Variants in ARMH3 observed in about 807,000 individuals in gnomAD.
ARMH3 encodes the protein armadillo like helical domain containing 3.
ARMH3 carries 60 observed loss-of-function variants against 99.1 expected under a neutral mutation model. The observed-to-expected ratio is 0.61, with a 90% CI of 0.49 to 0.75. The LOEUF (loss-of-function observed/expected upper bound fraction) is 0.75. Among genes scored for constraint, ARMH3 ranks in the 30% least tolerant of loss-of-function variants. The probability of loss-of-function intolerance (pLI) is 0.00; values close to 1 mark genes in which losing one functional copy is unlikely to be tolerated. For synonymous variants in ARMH3, 285 were observed against 292.8 expected (o/e 0.97, Z 0.27); for missense variants, 679 against 843.1 (o/e 0.81, Z 2.41).
intron 23 of ARMH3, among the ~76,000 whole-genome samples, chr10:101,914,061 G>T (rs1163903054): frequency 1.3e-5 from 2 of 152,138 alleles, no homozygotes; most frequent in East Asian, 3.8e-4. Context: ...CACAGGAAAT[G>T]AACAATAAAT....
chr10:101,886,064 A>C (rs2067533748), intron 24 of ARMH3, among the ~76,000 whole-genome samples: 1 of 152,056 alleles, frequency 6.6e-6, no homozygotes, highest in Non-Finnish European at 1.5e-5. Context: ...TCTCAAAAAA[A>C]AAAAGGGGGT....
intron 1 of ARMH3, among the ~76,000 whole-genome samples, chr10:102,050,379 T>C (rs1239321775): frequency 6.7e-6 from 1 of 148,520 alleles, no homozygotes; most frequent in Non-Finnish European, 1.5e-5. Context: ...ACCCGAGAGG[T>C]GGAGCTTGCA....
chr10:101,892,423 C>T (rs948192382), intron 23 of ARMH3, among the ~76,000 whole-genome samples: 13 of 152,252 alleles, frequency 8.5e-5, no homozygotes, highest in Admixed American at 4.6e-4. Context: ...TGTGCTACCA[C>T]GCTCCAGCCT....
At chr10:102,041,072 GTACATATATATATATATAATA>G (rs2067398894) in intron 1 of ARMH3, among the ~76,000 whole-genome samples, 1 of 121,634 alleles carries the variant, frequency 8.2e-6, no homozygotes, top group Non-Finnish European at 1.7e-5. Flanking sequence ...TTAATTGTGT[GTACATATATATATATATAATA>G]TATATATATA....
Position 101,973,355 on chromosome 10 carries a change from G to A in ARMH3, c.1495+1857C>T, listed in dbSNP as rs1377887352. Among the ~76,000 whole-genome samples the A allele has an allele frequency of 8.8e-4, 108 of 122,036 alleles. 1 individual carries two copies. The highest frequency in any genetic ancestry group is 7.8e-3 in the Admixed American group (83 of 10,652). 80.1% of individuals were successfully genotyped at this position (122,036 alleles called of 152,430 possible). A position where few individuals can be genotyped will look rare whatever the true frequency, so the allele number is the denominator to read the frequency against. ...AGGCTGGGCGACAGAGCGAGACTCC[G>A]TCTCAAAAAAAAAAAAAAAAAAAGA... On this transcript the variant is annotated intron_variant, in intron 20 of 25. Transcript: ENST00000370033.
At chr10:101,910,743 A>T (rs534839436) in intron 23 of ARMH3, among the ~76,000 whole-genome samples, 1 of 151,580 alleles carries the variant, frequency 6.6e-6, no homozygotes, top group East Asian at 1.9e-4. Flanking sequence ...AAAAAAAAAA[A>T]AAAACAACAA....
At chr10:102,031,352 CTCAG>C (rs1315759887) in intron 4 of ARMH3, among the ~76,000 whole-genome samples, 1 of 152,168 alleles carries the variant, frequency 6.6e-6, no homozygotes, top group Non-Finnish European at 1.5e-5. Context: ...TCTGTTAGAG[CTCAG>C]TAAGTATAAG....
chr10:102,036,358 A>ACCCC (rs965839113), intron 2 of ARMH3, among the ~76,000 whole-genome samples: 1 of 151,462 alleles, frequency 6.6e-6, no homozygotes, highest in Non-Finnish European at 1.5e-5. Context: ...CCCGGCCACC[A>ACCCC]CCCCGTCTGG....
At chr10:101,951,922 A>C (rs1324644510) in intron 22 of ARMH3, among the ~76,000 whole-genome samples, 1 of 128,666 alleles carries the variant, frequency 7.8e-6, no homozygotes, top group Non-Finnish European at 1.6e-5. Flanking sequence ...GGAAGGAGGG[A>C]GGGGGGCGGA....
intron 1 of ARMH3, among the ~76,000 whole-genome samples, chr10:102,052,775 T>C (rs1452153124): frequency 6.6e-6 from 1 of 152,084 alleles, no homozygotes; most frequent in African/African-American, 2.4e-5. Context: ...AAGACTTTTT[T>C]CATATATGCC....
chr10:102,044,686 C>T (rs1055428823), intron 1 of ARMH3, among the ~76,000 whole-genome samples: 1 of 152,100 alleles, frequency 6.6e-6, no homozygotes, highest in Non-Finnish European at 1.5e-5. Flanking sequence ...TTGTAATGGA[C>T]TGTCACCAAG....
intron 20 of ARMH3, among the ~76,000 whole-genome samples, chr10:101,965,940 T>C (rs1370001611): frequency 6.6e-6 from 1 of 152,162 alleles, no homozygotes; most frequent in Non-Finnish European, 1.5e-5. Context: ...GACAACAGTG[T>C]GTAGAGTTCT....
At chr10:101,992,129 C>A in intron 17 of ARMH3, 91 bp from the exon 18 acceptor site, 1 of 1,069,066 alleles carries the variant, frequency 9.4e-7, no homozygotes, top group South Asian at 1.3e-5. Context: ...CAAATAAAAT[C>A]ACTATTACAG....
Position 101,907,779 on chromosome 10 carries a change from G to C in ARMH3, c.1782-18289C>G, listed in dbSNP as rs963352767. On this transcript the variant is annotated intron_variant, in intron 23 of 25. Coordinates refer to ENST00000370033, the MANE Select transcript of ARMH3 (RefSeq NM_024541.3). ...CCAGAGTCAGGCCTGTTTTTCAGCA[G>C]TAACCGATCTTGGAAAATGCAAGGT... Among the ~76,000 whole-genome samples the C allele has an allele frequency of 5.3e-5, 8 of 152,286 alleles. No homozygotes were observed. In the South Asian group the frequency reaches 1.2e-3, roughly 24 times the overall value.
intron 23 of ARMH3, among the ~76,000 whole-genome samples, chr10:101,912,470 A>G (rs1842908991): frequency 6.6e-6 from 1 of 152,140 alleles, no homozygotes; most frequent in Non-Finnish European, 1.5e-5. Context: ...CATGATACTA[A>G]AAAAGAGAAA....
At chr10:101,898,567 T>C (rs74910253) in intron 23 of ARMH3, among the ~76,000 whole-genome samples, 8,862 of 152,258 alleles carry the variant, frequency 0.058, 275 homozygotes, top group African/African-American at 0.068. Flanking sequence ...GCAGGCTATC[T>C]CTAAAAGCTG....
chr10:102,037,387 TTGGTCAGGC>T (rs1477656666), intron 2 of ARMH3, among the ~76,000 whole-genome samples: 1 of 151,926 alleles, frequency 6.6e-6, no homozygotes, highest in East Asian at 1.9e-4. Context: ...TTTTACTACC[TTGGTCAGGC>T]TGGTCTCAAA....
chr10:101,946,929 G>A (rs568136996), intron 22 of ARMH3, among the ~76,000 whole-genome samples: 118 of 151,438 alleles, frequency 7.8e-4, no homozygotes, highest in Middle Eastern at 3.2e-3. Flanking sequence ...GGACAGGTAC[G>A]GTGGTGGCTC....
chr10:101,882,565 T>A (rs188322526), intron 24 of ARMH3, among the ~76,000 whole-genome samples: 50 of 152,300 alleles, frequency 3.3e-4, no homozygotes, highest in Non-Finnish European at 7.1e-4. Flanking sequence ...AGTGGCACGA[T>A]CTCGGCTCAC....
Sources: gnomAD v4.1 joint callset for allele counts (sites outside exome capture counted in the v4.1 genomes callset) on GRCh38, gnomAD v4.1.1 for gene constraint, MANE v1.5 for transcripts, NCBI Gene and HGNC (gene_info 2026-07-23, HGNC 2026-07-21) for gene names.